Variants in FAM228B observed in about 807,000 individuals in gnomAD.
The protein encoded by FAM228B is family with sequence similarity 228 member B.
In FAM228B, 38 loss-of-function variants were observed where a neutral mutation model predicts 42.6. That is an observed-to-expected ratio of 0.89 (90% CI 0.69 to 1.17). The LOEUF (loss-of-function observed/expected upper bound fraction) is 1.17. Among genes scored for constraint, FAM228B ranks in the 50% most tolerant of loss-of-function variants. FAM228B has a pLI of 0.00. For synonymous variants in FAM228B, 109 were observed against 122.3 expected, an observed-to-expected ratio of 0.89 and a Z score of 0.72; for missense variants, 344 against 367.3, an observed-to-expected ratio of 0.94 and a Z score of 0.52.
At chr2:24,133,251 G>C (rs1221587723) in intron 2 of FAM228B, among the ~76,000 whole-genome samples, 2 of 151,956 alleles carry the variant, frequency 1.3e-5, no homozygotes, top group Non-Finnish European at 2.9e-5. Flanking sequence ...GTGTCTTCAG[G>C]TTGTTGTTTT....
At chr2:24,088,637 C>T (rs1665315457) in intron 2 of FAM228B, among the ~76,000 whole-genome samples, 1 of 152,246 alleles carries the variant, frequency 6.6e-6, no homozygotes, top group Non-Finnish European at 1.5e-5. Context: ...AGGCGTGAGC[C>T]ACCGCGCCCG....
At position 24,095,989 on chromosome 2, in the gene FAM228B, G is replaced by C. The variant is rs1190497186; in HGVS notation, c.-121+760G>C. The C allele has an allele frequency of 3.3e-5, 5 of 152,330 alleles. No homozygotes were observed. The highest frequency in any genetic ancestry group is 3.3e-4 in the Admixed American group (5 of 15,284). 9.4% of individuals were successfully genotyped at this position (152,330 alleles called of 1,614,324 possible). A position where few individuals can be genotyped will look rare whatever the true frequency, so the allele number is the denominator to read the frequency against. On this transcript the variant is annotated intron_variant, in intron 3 of 10. Coordinates refer to the FAM228B transcript ENST00000613899. The surrounding 1 kb of genome is among the most constrained non-coding windows in gnomAD (Gnocchi z 4.8). Reference sequence around the variant, plus strand: ...TCCGCTGGTGATACCCAGGAAAACAGGGTCTGGGGTGGACCTCCAGCAAAC... The same window carrying C: ...TCCGCTGGTGATACCCAGGAAAACACGGTCTGGGGTGGACCTCCAGCAAAC...
intron 9 of FAM228B, chr2:24,165,949 G>A (rs1403870702): frequency 1.3e-5 from 2 of 152,802 alleles, no homozygotes; most frequent in Non-Finnish European, 2.9e-5. Flanking sequence ...GGCTGAGGCA[G>A]GAGAATCGCT....
At chr2:24,162,435 C>T (rs1026456520) in intron 8 of FAM228B, among the ~76,000 whole-genome samples, 3 of 152,154 alleles carry the variant, frequency 2.0e-5, no homozygotes, top group African/African-American at 4.8e-5. Context: ...TTGTGACTAT[C>T]TGGTTAAAAG....
upstream of FAM228B, chr2:24,122,372 AAAT>A (rs753821865): frequency 1.5e-6 from 2 of 1,336,126 alleles, no homozygotes; most frequent in Admixed American, 2.0e-5. Context: ...GGAAGAATAG[AAAT>A]AATAAGTAAA....
chr2:24,092,145 G>A (rs1665404164), intron 2 of FAM228B, among the ~76,000 whole-genome samples: 1 of 149,804 alleles, frequency 6.7e-6, no homozygotes, highest in Non-Finnish European at 1.5e-5. Flanking sequence ...AAGATCACAT[G>A]GGCCTGGCAG....
chr2:24,146,651 G>T, intron 5 of FAM228B, 97 bp from the exon 6 acceptor site: 2 of 707,206 alleles, frequency 2.8e-6, no homozygotes, highest in South Asian at 4.1e-5. Context: ...TACCCTCCCG[G>T]CATAAGAGCC....
chr2:24,096,702 A>G (rs937468763), intron 3 of FAM228B: 3 of 152,194 alleles, frequency 2.0e-5, no homozygotes, highest in Non-Finnish European at 2.9e-5. Flanking sequence ...CAACTTGGAA[A>G]ACACTCTTCA....
intron 3 of FAM228B, chr2:24,115,249 A>G (rs1030971964): frequency 4.0e-6 from 1 of 248,388 alleles, no homozygotes; most frequent in African/African-American, 2.2e-5. Context: ...TCTTGGATAA[A>G]GAGTGGTGAG....
At chr2:24,085,641 C>G (rs1180374161) in intron 2 of FAM228B, 2 of 152,134 alleles carry the variant, frequency 1.3e-5, no homozygotes, top group African/African-American at 4.8e-5. Context: ...TCCCCCTTAC[C>G]CCTGATGCCT....
upstream of FAM228B, chr2:24,122,307 C>T (rs1666142413): frequency 1.3e-6 from 1 of 779,242 alleles, no homozygotes; most frequent in Non-Finnish European, 2.1e-6. Context: ...GGCTAAGCAA[C>T]AAGAGTGAAA....
chr2:24,125,494 G>C (rs77419600), intron 2 of FAM228B, among the ~76,000 whole-genome samples: 1 of 152,100 alleles, frequency 6.6e-6, no homozygotes, highest in Non-Finnish European at 1.5e-5. Context: ...ATATTCTGTT[G>C]TAATCCCTCC....
intron 9 of FAM228B, 33 bp downstream of exon 9, chr2:24,164,368 A>T (rs1010726776): frequency 7.2e-6 from 11 of 1,528,778 alleles, no homozygotes; most frequent in Non-Finnish European, 9.7e-6. Context: ...TTCATCATAC[A>T]TAAGGTGGCA....
intron 7 of FAM228B, among the ~76,000 whole-genome samples, chr2:24,152,386 T>TCAGTTGTTG (rs1667045974): frequency 3.3e-5 from 5 of 152,216 alleles, no homozygotes; most frequent in Non-Finnish European, 5.9e-5. Context: ...TGTTGATGCT[T>TCAGTTGTTG]ATAGATATTC....
chr2:24,082,902 T>C (rs1665067879), intron 2 of FAM228B: 3 of 1,609,650 alleles, frequency 1.9e-6, no homozygotes, highest in African/African-American at 2.7e-5. Flanking sequence ...ATGTAACAGC[T>C]GGAAGGCGGT....
intron 4 of FAM228B, among the ~76,000 whole-genome samples, chr2:24,139,128 T>C (rs1666686795): frequency 6.6e-6 from 1 of 152,186 alleles, no homozygotes; most frequent in Non-Finnish European, 1.5e-5. Context: ...CCCAAATCTT[T>C]TAGTGTTCCA....
chr2:24,113,617 C>T (rs1031976360), intron 3 of FAM228B, among the ~76,000 whole-genome samples: 2 of 151,994 alleles, frequency 1.3e-5, no homozygotes, highest in African/African-American at 4.8e-5. Flanking sequence ...TGGCTGAGGC[C>T]TGTAATCCCA....
At chr2:24,081,090 G>A (rs958828206) in intron 2 of FAM228B, 3 of 1,430,708 alleles carry the variant, frequency 2.1e-6, no homozygotes, top group Non-Finnish European at 2.8e-6. Context: ...TCCCCACACA[G>A]GCATATTCTA....
intron 2 of FAM228B, among the ~76,000 whole-genome samples, chr2:24,126,524 A>G (rs1477426912): frequency 6.6e-6 from 1 of 152,076 alleles, no homozygotes; most frequent in Non-Finnish European, 1.5e-5. Context: ...GCCCACTTTA[A>G]AATTGGCAAT....
Sources: gnomAD v4.1 joint callset for allele counts (sites outside exome capture counted in the v4.1 genomes callset) on GRCh38, gnomAD v4.1.1 for gene constraint, Gnocchi (gnomAD v3.1) non-coding constraint, MANE v1.5 for transcripts, NCBI Gene and HGNC (gene_info 2026-07-23, HGNC 2026-07-21) for gene names.